ATG2B: variants seen among roughly 807,000 people sequenced by gnomAD.
The protein encoded by ATG2B is autophagy related 2B.
Under a neutral mutation model 241.3 loss-of-function variants are expected in ATG2B, and 121 were observed. That is an observed-to-expected ratio of 0.50 (90% confidence interval 0.43 to 0.58). ATG2B has a LOEUF of 0.58. Among genes scored for constraint, ATG2B ranks in the 20% least tolerant of loss-of-function variants. The pLI is 0.00. For synonymous variants in ATG2B, 858 were observed against 876.6 expected, an observed-to-expected ratio of 0.98 and a Z score of 0.37; for missense variants, 2,306 against 2,491.6, an observed-to-expected ratio of 0.93 and a Z score of 1.59.
intron 2 of ATG2B, among the ~76,000 whole-genome samples, 184 bp downstream of exon 2, chr14:96,346,995 T>C (rs1430126408): frequency 6.6e-6 from 1 of 152,158 alleles, no homozygotes; most frequent in Non-Finnish European, 1.5e-5. Flanking sequence ...CTGTGAAAAA[T>C]CGGGGAAAGA....
intron 2 of ATG2B, among the ~76,000 whole-genome samples, chr14:96,346,519 T>C (rs889192169): frequency 2.6e-5 from 4 of 152,200 alleles, no homozygotes; most frequent in African/African-American, 4.8e-5. Context: ...TCACTTTAAT[T>C]CTACTAAATA....
intron 8 of ATG2B, 42 bp from the exon 9 acceptor site, chr14:96,332,697 C>G (rs1251589915): frequency 6.9e-7 from 1 of 1,453,658 alleles, no homozygotes; most frequent in Non-Finnish European, 9.2e-7. Flanking sequence ...ATAATCCCAC[C>G]AATTCAAGTC....
rs1887053740 is a variant in ATG2B at position 96,308,280 on chromosome 14, ATATT to A, written c.4303+1169_4303+1172del. Among the ~76,000 whole-genome samples the A allele has an allele frequency of 4.5e-4, 13 of 28,646 alleles. 1 individual carries two copies. The highest frequency in any genetic ancestry group is 1.7e-3 in the Admixed American group (4 of 2,342). 18.8% of individuals were successfully genotyped at this position (28,646 alleles called of 152,430 possible). On this transcript the variant is annotated intron_variant, in intron 29 of 41. Transcript: ENST00000359933. ...CACATATATATATATATATATATAT[ATATT>A]TTTTTTTTTTTTTTTTTTGAGACAG...
At chr14:96,347,950 GAAC>G (rs921165775) in intron 1 of ATG2B, among the ~76,000 whole-genome samples, 1 of 152,094 alleles carries the variant, frequency 6.6e-6, no homozygotes, top group African/African-American at 2.4e-5. Context: ...ACTAAACATA[GAAC>G]TACTATATGA....
intron 18 of ATG2B, 106 bp downstream of exon 18, chr14:96,322,006 A>G (rs2139870081): frequency 1.3e-6 from 1 of 793,526 alleles, no homozygotes; most frequent in Non-Finnish European, 1.9e-6. Flanking sequence ...GTACACAGAG[A>G]TGGCATATAA....
chr14:96,312,491 C>A (rs1420334849), intron 25 of ATG2B, among the ~76,000 whole-genome samples: 1 of 152,128 alleles, frequency 6.6e-6, no homozygotes, highest in African/African-American at 2.4e-5. Flanking sequence ...CCTGTAATCC[C>A]AGCCGTTTGG....
chr14:96,356,769 A>C (rs1284899493), intron 1 of ATG2B, among the ~76,000 whole-genome samples: 2 of 150,758 alleles, frequency 1.3e-5, no homozygotes, highest in Non-Finnish European at 3.0e-5. Flanking sequence ...GTGGTGTACA[A>C]AAAAAAAATA....
intron 1 of ATG2B, among the ~76,000 whole-genome samples, chr14:96,359,686 A>G (rs1033392126): frequency 6.6e-6 from 1 of 152,216 alleles, no homozygotes; most frequent in Non-Finnish European, 1.5e-5. Flanking sequence ...CAAGGAGTTT[A>G]TGAAATTTTT....
At chr14:96,304,651 CAAAG>C (rs749570473) in intron 31 of ATG2B, 48 bp from the exon 32 acceptor site, 2 of 1,367,612 alleles carry the variant, frequency 1.5e-6, no homozygotes, top group South Asian at 2.5e-5. Flanking sequence ...AAGGAATATT[CAAAG>C]AAAGTCAATG....
chr14:96,362,952 T>TA lies in ATG2B; in HGVS notation c.24_25insT (p.Ile9TyrfsTer50). 6.2e-7 allele frequency: 1 copy of TA among 1,613,570 alleles called. No individual in the cohort carries two copies. The highest frequency in any genetic ancestry group is 8.5e-7 in the Non-Finnish European group (1 of 1,179,920). ...AGGTACCGGCAGGCCCTCTTCTTGATGGACTCCGAAAACGGCCAAGGCATA... is the reference window on the plus strand; with the variant it reads ...AGGTACCGGCAGGCCCTCTTCTTGATAGGACTCCGAAAACGGCCAAGGCATA... On this transcript the variant is annotated frameshift_variant, in exon 1 of 42. Coordinates refer to ENST00000359933, the MANE Select transcript of ATG2B (RefSeq NM_018036.7). LOFTEE classifies it high-confidence loss of function.
At chr14:96,301,937 A>T in intron 34 of ATG2B, 70 bp downstream of exon 34, 2 of 1,215,538 alleles carry the variant, frequency 1.6e-6, no homozygotes, top group Non-Finnish European at 2.4e-6. Flanking sequence ...GATAAACATT[A>T]CAATTTCTTT....
At position 96,296,320 on chromosome 14, in the gene ATG2B, T is replaced by C. The variant is rs1011157251; in HGVS notation, c.5140-760A>G. Among the ~76,000 whole-genome samples, 5 of 152,314 alleles carry C rather than the reference T, an allele frequency of 3.3e-5. No homozygotes were observed. The East Asian group carries it at 7.7e-4, about 24-fold the overall frequency. On this transcript the variant is annotated intron_variant, in intron 34 of 41. Coordinates refer to ENST00000359933, the MANE Select transcript of ATG2B (RefSeq NM_018036.7). ...AAATTACATAATTACAAACAAAAACTGCATGGCTCTGTCTTCACTTTGTAC... is the reference window on the plus strand; with the variant it reads ...AAATTACATAATTACAAACAAAAACCGCATGGCTCTGTCTTCACTTTGTAC...
intron 28 of ATG2B, among the ~76,000 whole-genome samples, chr14:96,310,674 G>A (rs535464121): frequency 6.6e-6 from 1 of 152,160 alleles, no homozygotes; most frequent in Admixed American, 6.5e-5. Context: ...AGTCATATAT[G>A]ACAAAGTACA....
Position 96,317,260 on chromosome 14 carries a change from T to G in ATG2B, c.3095A>C (p.Asn1032Thr). Reference protein sequence around the residue: ...TLQYFSTVDPNYRSRRKKKLD... With the variant: ...TLQYFSTVDPTYRSRRKKKLD... ...TTTTTTTTTCCTGCGAGAACGATAG[T>G]TGGGATCAACAGTGGAAAAATACTG... Residue 1032 changes from asparagine to threonine, a missense_variant, in exon 20 of 42, where the codon AAC (asparagine) becomes ACC (threonine). By Grantham distance (65) the Asn-to-Thr change is moderately conservative. Around this residue, in one of 2 missense-constraint regions of ATG2B, gnomAD observed 1,927 missense variants for 2,011.2 expected, o/e 0.96. Coordinates refer to ENST00000359933, the MANE Select transcript of ATG2B (RefSeq NM_018036.7). The G allele has an allele frequency of 1.2e-6, 2 of 1,613,918 alleles. No homozygotes were observed. The highest frequency in any genetic ancestry group is 1.7e-6 in the Non-Finnish European group (2 of 1,179,870).
chr14:96,357,753 G>A (rs1343636196), intron 1 of ATG2B, among the ~76,000 whole-genome samples: 1 of 151,638 alleles, frequency 6.6e-6, no homozygotes, highest in Non-Finnish European at 1.5e-5. Flanking sequence ...ACTTCAAAAG[G>A]TAAGTAGAAC....
rs1242239456 is a variant in ATG2B, at chr14:96,328,385, A to T, written c.2125T>A (p.Ser709Thr). Residue 709 changes from serine (S) to threonine (T), a missense_variant, in exon 14 of 42, where the codon TCC becomes ACC. Coordinates refer to ENST00000359933, the MANE Select transcript of ATG2B (RefSeq NM_018036.7). ...QKLATVEMMA[S>T]HMYTSYNKHI... The stretch of plus-strand genomic sequence containing the variant: ...TTATTATATGAAGTATACATGTGGG[A>T]TGCCATCATCTCTACTGTGGCAAGT... 6.2e-7 allele frequency: 1 copy of T among 1,613,062 alleles called. No individual in the cohort carries two copies. The highest frequency in any genetic ancestry group is 8.5e-7 in the Non-Finnish European group (1 of 1,179,630).
Position 96,322,666 on chromosome 14 carries a change from C to G in ATG2B, c.2610G>C (p.Glu870Asp). 1 of 1,613,728 alleles carries G rather than the reference C, an allele frequency of 6.2e-7. No homozygotes were observed. Among genetic ancestry groups the G allele is most frequent in the Non-Finnish European group, 8.5e-7 (1 of 1,179,844 alleles). The change falls in exon 17 of 42, where the codon GAG (glutamate) becomes GAC (aspartate). Residue 870 changes from glutamate (E) to aspartate (D), a missense_variant. Coordinates refer to ENST00000359933, the MANE Select transcript of ATG2B (RefSeq NM_018036.7). ...CCTCCTGGTAGTGACCATCATTCTC[C>G]TCTTCTTCTTCAGCTGCAATTCTCT... ...ILERIAAEEE[E>D]ENDGHYQEEE...
intron 38 of ATG2B, 84 bp downstream of exon 38, chr14:96,291,516 A>G: frequency 1.0e-6 from 1 of 971,612 alleles, no homozygotes; most frequent in East Asian, 2.4e-5. Flanking sequence ...TTGTGTATGC[A>G]TGCTAAGAAA....
At chr14:96,334,374 C>A in intron 7 of ATG2B, 31 bp downstream of exon 7, 1 of 1,417,410 alleles carries the variant, frequency 7.1e-7, no homozygotes, top group East Asian at 2.4e-5. Flanking sequence ...AAAAAAGTAA[C>A]AAGTATATAT....
Sources: gnomAD v4.1 joint callset for allele counts (sites outside exome capture counted in the v4.1 genomes callset) on GRCh38, gnomAD v4.1.1 for gene constraint, gnomAD v4.1.1 regional missense constraint, MANE v1.5 for transcripts, NCBI Gene and HGNC (gene_info 2026-07-23, HGNC 2026-07-21) for gene names.